The following RNGTT variants were observed in gnomAD, a reference collection of about 807,000 sequenced individuals.
The protein encoded by RNGTT is RNA guanylyltransferase and 5'-phosphatase.
A neutral mutation model predicts 79.3 loss-of-function variants in RNGTT; 33 were observed. The observed-to-expected ratio is 0.42, with a 90% confidence interval of 0.32 to 0.56. RNGTT has a LOEUF of 0.56. Among genes scored for constraint, RNGTT ranks in the 20% least tolerant of loss-of-function variants. The pLI is 0.17. For missense variants in RNGTT, 497 were observed against 739.1 expected, an observed-to-expected ratio of 0.67 and a Z score of 3.80; for synonymous variants, 222 against 235.9, an observed-to-expected ratio of 0.94 and a Z score of 0.54.
At chr6:88,664,222 C>T (rs186686946) in intron 14 of RNGTT, among the ~76,000 whole-genome samples, 23 of 152,238 alleles carry the variant, frequency 1.5e-4, no homozygotes, top group Admixed American at 1.0e-3. Flanking sequence ...AGGCCACAAA[C>T]GTAAACAAGG....
chr6:88,916,150 T>C (rs72909800), intron 4 of RNGTT, among the ~76,000 whole-genome samples: 27,639 of 152,202 alleles, frequency 0.18, 3,417 homozygotes, highest in East Asian at 0.61. Context: ...GGAACCCTCA[T>C]ACTGTGGTTT....
At chr6:88,864,451 C>G (rs1447480603) in intron 8 of RNGTT, among the ~76,000 whole-genome samples, 1 of 152,042 alleles carries the variant, frequency 6.6e-6, no homozygotes, top group Non-Finnish European at 1.5e-5. Flanking sequence ...GTGAAGATAT[C>G]TGTAGGCAAA....
intron 6 of RNGTT, among the ~76,000 whole-genome samples, chr6:88,901,578 C>A (rs1783467996): frequency 7.1e-6 from 1 of 140,954 alleles, no homozygotes; most frequent in South Asian, 2.3e-4. Flanking sequence ...GCGATCTCAG[C>A]TCACTGCAAC....
At chr6:88,713,277 G>GAGGAGGGCCTC (rs71554790) in intron 13 of RNGTT, among the ~76,000 whole-genome samples, 18,056 of 151,922 alleles carry the variant, frequency 0.12, 1,170 homozygotes, top group Middle Eastern at 0.22. Context: ...TGGAAACCAG[G>GAGGAGGGCCTC]ACCAGAACCT....
chr6:88,817,542 A>C (rs2127876756), intron 11 of RNGTT, among the ~76,000 whole-genome samples: 1 of 150,436 alleles, frequency 6.6e-6, no homozygotes, highest in Admixed American at 6.6e-5. Flanking sequence ...ATATAAATAC[A>C]CTAAATATAC....
intron 8 of RNGTT, among the ~76,000 whole-genome samples, chr6:88,879,535 T>C (rs562928495): frequency 6.6e-6 from 1 of 152,284 alleles, no homozygotes; most frequent in East Asian, 1.9e-4. Context: ...ACATGTAGTA[T>C]GACCACACAT....
chr6:88,842,280 GAA>G (rs1258756823), intron 11 of RNGTT, among the ~76,000 whole-genome samples: 3 of 151,872 alleles, frequency 2.0e-5, no homozygotes, highest in Admixed American at 6.6e-5. Context: ...GAGAAATGGA[GAA>G]AAGTCTTAGG....
intron 14 of RNGTT, among the ~76,000 whole-genome samples, chr6:88,666,837 C>A (rs1264275515): frequency 6.6e-6 from 1 of 152,136 alleles, no homozygotes; most frequent in Non-Finnish European, 1.5e-5. Flanking sequence ...GAACTCATTG[C>A]TTTAACTCAG....
chr6:88,902,471 A>C (rs1437528326), intron 6 of RNGTT, among the ~76,000 whole-genome samples: 1 of 151,962 alleles, frequency 6.6e-6, no homozygotes, highest in Non-Finnish European at 1.5e-5. Flanking sequence ...GTATGGTGGC[A>C]CAGACCTGTA....
At chr6:88,865,062 T>C (rs1323821823) in intron 8 of RNGTT, among the ~76,000 whole-genome samples, 2 of 152,094 alleles carry the variant, frequency 1.3e-5, no homozygotes, top group Non-Finnish European at 2.9e-5. Context: ...TGCATATTTT[T>C]AAATGGTTAA....
intron 13 of RNGTT, among the ~76,000 whole-genome samples, chr6:88,680,585 T>C (rs905626262): frequency 1.3e-5 from 2 of 151,338 alleles, no homozygotes; most frequent in Non-Finnish European, 2.9e-5. Flanking sequence ...CTACTAAAAA[T>C]ACAAAAATTA....
In RNGTT at chr6:88,612,765, T is replaced by C. The variant is rs764154179; in HGVS notation, c.1748A>G (p.Glu583Gly). 44 of 1,613,170 alleles carry C rather than the reference T, an allele frequency of 2.7e-5. No homozygotes were observed. Among genetic ancestry groups the C allele is most frequent in the African/African-American group, 6.7e-5 (5 of 74,880 alleles). ...KRKHHLDPDT[E>G]LMPPPPPKRP... is the part of the protein sequence containing the mutation. Reference sequence around the variant, plus strand: ...TTTGGGAGGTGGTGGTGGCATGAGCTCCGTGTCAGGGTCCAGATGATGTTT... The same window carrying C: ...TTTGGGAGGTGGTGGTGGCATGAGCCCCGTGTCAGGGTCCAGATGATGTTT... Residue 583 changes from glutamate to glycine, a missense_variant, in exon 16 of 16, where the codon GAG (glutamate) becomes GGG (glycine). This residue lies in a region of RNGTT where 53 missense variants were observed against 50.5 expected (regional missense o/e 1.05). Coordinates refer to ENST00000369485, the MANE Select transcript of RNGTT (RefSeq NM_003800.5).
At chr6:88,820,224 G>A (rs1280115049) in intron 11 of RNGTT, among the ~76,000 whole-genome samples, 2 of 151,962 alleles carry the variant, frequency 1.3e-5, no homozygotes. Flanking sequence ...TGATGATGAT[G>A]ATGATGGATG....
At chr6:88,622,155 A>C (rs912085810) in intron 14 of RNGTT, among the ~76,000 whole-genome samples, 1 of 152,174 alleles carries the variant, frequency 6.6e-6, no homozygotes, top group South Asian at 2.1e-4. Context: ...AAGATCTTTA[A>C]ATTTGTTGTA....
chr6:88,772,192 G>A (rs1323864275), intron 12 of RNGTT, among the ~76,000 whole-genome samples: 2 of 150,618 alleles, frequency 1.3e-5, no homozygotes, highest in South Asian at 2.1e-4. Flanking sequence ...AAAAAAAAAT[G>A]TGCAATAGCA....
intron 14 of RNGTT, among the ~76,000 whole-genome samples, chr6:88,654,842 T>A (rs1239612327): frequency 6.6e-6 from 1 of 152,156 alleles, no homozygotes; most frequent in Non-Finnish European, 1.5e-5. Flanking sequence ...GAGACCAGCA[T>A]CTAAAAACTA....
intron 6 of RNGTT, among the ~76,000 whole-genome samples, chr6:88,894,465 C>G (rs1270395334): frequency 6.6e-6 from 1 of 152,190 alleles, no homozygotes; most frequent in East Asian, 1.9e-4. Flanking sequence ...CTAGCCTCAT[C>G]CCTACCTTGT....
intron 11 of RNGTT, among the ~76,000 whole-genome samples, chr6:88,807,494 G>A (rs117042457): frequency 2.5e-4 from 38 of 152,108 alleles, no homozygotes; most frequent in Non-Finnish European, 5.0e-4. Context: ...AAGAAGAAAC[G>A]TACGTGGCAC....
chr6:88,651,204 G>A (rs1160034789), intron 14 of RNGTT, among the ~76,000 whole-genome samples: 1 of 152,056 alleles, frequency 6.6e-6, no homozygotes, highest in African/African-American at 2.4e-5. Flanking sequence ...AGTCCAGTCA[G>A]TGGACTAGGA....
Sources: allele counts gnomAD v4.1 joint callset (sites outside exome capture counted in the v4.1 genomes callset), GRCh38; gene constraint gnomAD v4.1.1; regional missense constraint gnomAD v4.1.1; transcripts MANE v1.5; gene names NCBI Gene and HGNC (gene_info 2026-07-23, HGNC 2026-07-21).